Variants in GPR39 observed in about 807,000 individuals in gnomAD.
GPR39 encodes the protein zinc sensing receptor.
GPR39 carries 23 observed loss-of-function variants against 18.4 expected under a neutral mutation model. The observed-to-expected ratio is 1.25, with a 90% CI of 0.90 to 1.77. The LOEUF (loss-of-function observed/expected upper bound fraction) is 1.77, where lower values mean the gene tolerates loss of function less well. Among genes scored for constraint, GPR39 ranks in the 40% most tolerant of loss-of-function variants. The pLI, the probability that GPR39 is intolerant of heterozygous loss-of-function variation, is 0.00. For synonymous variants in GPR39, 280 were observed against 257.9 expected, an observed-to-expected ratio of 1.09 and a Z score of -0.82; for missense variants, 647 against 602.4, an observed-to-expected ratio of 1.07 and a Z score of -0.78.
At chr2:132,498,483 A>G (rs1169186713) in intron 1 of GPR39, among the ~76,000 whole-genome samples, 2 of 152,148 alleles carry the variant, frequency 1.3e-5, no homozygotes, top group East Asian at 1.9e-4. Context: ...ATTGATGGGC[A>G]TTTGGGCTGG....
chr2:132,554,338 G>C (rs1368624069), intron 1 of GPR39, among the ~76,000 whole-genome samples: 1 of 152,218 alleles, frequency 6.6e-6, no homozygotes, highest in African/African-American at 2.4e-5. Flanking sequence ...TGAAGGCCAT[G>C]TGCTAGATTA....
Position 132,646,050 on chromosome 2 carries a change from A to G in GPR39, c.*444A>G. On this transcript the variant is annotated 3_prime_UTR_variant, in exon 2 of 2. Coordinates refer to ENST00000329321, the MANE Select transcript of GPR39 (RefSeq NM_001508.3). ...GGGTGGCATCTCCTTCAGCTTCAGC[A>G]GTGTGCCGAGAAGAGGGCTAATTTG... The G allele has an allele frequency of 1.3e-6, 2 of 1,563,628 alleles. No individual in the cohort carries two copies. The highest frequency in any genetic ancestry group is 2.3e-5 in the East Asian group (1 of 43,430).
intron 1 of GPR39, among the ~76,000 whole-genome samples, chr2:132,620,910 G>A (rs1484785624): frequency 3.3e-5 from 5 of 151,966 alleles, no homozygotes; most frequent in East Asian, 1.9e-4. Flanking sequence ...CCACCACCAC[G>A]CCCGGCTAAT....
rs368291385 is a variant in GPR39 at position 132,645,086 on chromosome 2, C to T, written c.857-15C>T. On this transcript the variant is annotated splice_polypyrimidine_tract_variant and intron_variant, in intron 1 of 1. Coordinates refer to ENST00000329321, the MANE Select transcript of GPR39 (RefSeq NM_001508.3). ...TTCTTTTCTCTGTCTCTCCCTCCTG[C>T]TCGTGTCTGCCCAGGGCTGATTGTT... 10 of 1,599,612 alleles carry T rather than the reference C, an allele frequency of 6.3e-6. No individual in the cohort carries two copies. Among genetic ancestry groups the T allele is most frequent in the African/African-American group, 1.3e-5 (1 of 74,696 alleles).
chr2:132,616,297 G>C (rs1681333639), intron 1 of GPR39, among the ~76,000 whole-genome samples: 1 of 152,102 alleles, frequency 6.6e-6, no homozygotes, highest in Non-Finnish European at 1.5e-5. Flanking sequence ...GGCAGAGCCA[G>C]GATTCGACCC....
intron 1 of GPR39, among the ~76,000 whole-genome samples, chr2:132,621,222 C>T (rs1447518312): frequency 1.3e-5 from 2 of 152,184 alleles, no homozygotes; most frequent in Non-Finnish European, 2.9e-5. Context: ...GTTCCTGCCT[C>T]ATATCTGGAA....
chr2:132,524,342 A>G (rs771701378), intron 1 of GPR39, among the ~76,000 whole-genome samples: 1 of 152,220 alleles, frequency 6.6e-6, no homozygotes, highest in African/African-American at 2.4e-5. Flanking sequence ...ACCTGTCAGC[A>G]TTAGATTCCT....
At chr2:132,426,533 A>T (rs1680120984) in intron 1 of GPR39, among the ~76,000 whole-genome samples, 1 of 152,144 alleles carries the variant, frequency 6.6e-6, no homozygotes, top group Admixed American at 6.5e-5. Context: ...AGATGCCTGT[A>T]CCCCTCATCA....
At chr2:132,577,798 C>T (rs563958303) in intron 1 of GPR39, among the ~76,000 whole-genome samples, 37 of 152,232 alleles carry the variant, frequency 2.4e-4, no homozygotes, top group African/African-American at 8.4e-4. Flanking sequence ...GGATTTTCTA[C>T]ATAAACTATC....
At chr2:132,641,243 T>C (rs2104879064) in intron 1 of GPR39, among the ~76,000 whole-genome samples, 1 of 152,350 alleles carries the variant, frequency 6.6e-6, no homozygotes, top group East Asian at 1.9e-4. Flanking sequence ...AGTTCCCTTA[T>C]ATGGAAGGCT....
intron 1 of GPR39, among the ~76,000 whole-genome samples, chr2:132,571,256 A>C (rs563796337): frequency 6.6e-6 from 1 of 152,326 alleles, no homozygotes; most frequent in East Asian, 1.9e-4. Flanking sequence ...CCTAAGACTG[A>C]GCATAAGAGG....
At chr2:132,429,638 G>A (rs1246536934) in intron 1 of GPR39, among the ~76,000 whole-genome samples, 1 of 152,206 alleles carries the variant, frequency 6.6e-6, no homozygotes, top group Non-Finnish European at 1.5e-5. Flanking sequence ...TGACAAATGG[G>A]GTTAAAAGAG....
chr2:132,475,810 GCTGGCTTGGTTTCATTTT>G (rs1171922544), intron 1 of GPR39, among the ~76,000 whole-genome samples: 2 of 152,174 alleles, frequency 1.3e-5, no homozygotes, highest in African/African-American at 2.4e-5. Flanking sequence ...CCAGCAATTA[GCTGGCTTGGTTTCATTTT>G]CTTTTTGCAA....
intron 1 of GPR39, among the ~76,000 whole-genome samples, chr2:132,435,293 CCT>C (rs1680293249): frequency 1.3e-5 from 2 of 152,032 alleles, no homozygotes; most frequent in Admixed American, 6.6e-5. Context: ...AAAACCAACC[CCT>C]CCTTCCTCGT....
intron 1 of GPR39, among the ~76,000 whole-genome samples, chr2:132,500,315 G>C (rs1269353557): frequency 1.3e-5 from 2 of 152,130 alleles, no homozygotes; most frequent in Non-Finnish European, 2.9e-5. Context: ...TTTGTCAAAT[G>C]CTTTTTCTGT....
At chr2:132,642,916 C>T (rs764336758) in intron 1 of GPR39, among the ~76,000 whole-genome samples, 2 of 152,124 alleles carry the variant, frequency 1.3e-5, no homozygotes, top group Non-Finnish European at 1.5e-5. Context: ...ATGTGGCTTC[C>T]TCAGGTATGG....
chr2:132,580,027 G>A (rs1680595882), intron 1 of GPR39, among the ~76,000 whole-genome samples: 1 of 152,180 alleles, frequency 6.6e-6, no homozygotes, highest in African/African-American at 2.4e-5. Context: ...AAAATTCAGA[G>A]CTTTTGAAAA....
chr2:132,551,578 T>C (rs931895838), intron 1 of GPR39, among the ~76,000 whole-genome samples: 4 of 152,182 alleles, frequency 2.6e-5, no homozygotes, highest in African/African-American at 9.7e-5. Context: ...TGGTGTCTGA[T>C]TCTGTCATCT....
At chr2:132,483,569 T>C (rs1681275236) in intron 1 of GPR39, among the ~76,000 whole-genome samples, 1 of 152,230 alleles carries the variant, frequency 6.6e-6, no homozygotes, top group African/African-American at 2.4e-5. Context: ...ATGTCAGTCT[T>C]TTGGTGTTAT....
Sources: gnomAD v4.1 joint callset for allele counts (sites outside exome capture counted in the v4.1 genomes callset) on GRCh38, gnomAD v4.1.1 for gene constraint, MANE v1.5 for transcripts, NCBI Gene and HGNC (gene_info 2026-07-23, HGNC 2026-07-21) for gene names.